INPP5F: variants seen among roughly 807,000 people sequenced by gnomAD.
The protein encoded by INPP5F is inositol polyphosphate-5-phosphatase F.
Under a neutral mutation model 137.2 loss-of-function variants are expected in INPP5F, and 97 were observed. The ratio of observed to expected loss-of-function variants is 0.71; its 90% confidence interval spans 0.60 to 0.84. The LOEUF (loss-of-function observed/expected upper bound fraction) is 0.84. INPP5F is among the 40% of genes least tolerant of loss of function. The pLI is 0.00. For missense variants in INPP5F, 1,271 were observed against 1,371.9 expected (o/e 0.93, Z 1.16); for synonymous variants, 504 against 476.9 (o/e 1.06, Z -0.74).
chr10:119,813,559 AG>A (rs1179344363), intron 15 of INPP5F, among the ~76,000 whole-genome samples: 3 of 152,174 alleles, frequency 2.0e-5, no homozygotes. Flanking sequence ...CAGGCATTTG[AG>A]GCTGCAGTGA....
At chr10:119,821,714 CCCTCCCTTCATCTCTG>C (rs144132796) in intron 16 of INPP5F, among the ~76,000 whole-genome samples, 16,495 of 151,670 alleles carry the variant, frequency 0.11, 940 homozygotes, top group South Asian at 0.17. Context: ...CTCTCTCTCT[CCCTCCCTTCATCTCTG>C]CCTCCCTCCG....
intron 1 of INPP5F, among the ~76,000 whole-genome samples, chr10:119,747,017 G>C (rs1398437792): frequency 1.3e-5 from 2 of 151,910 alleles, no homozygotes; most frequent in Non-Finnish European, 2.9e-5. Context: ...TCGAACTCCT[G>C]ACCTCAAGTG....
Position 119,797,592 on chromosome 10 carries a change from T to C in INPP5F, c.1000T>C (p.Trp334Arg). The C allele has an allele frequency of 6.2e-7, 1 of 1,613,418 alleles. No individual in the cohort carries two copies. Among genetic ancestry groups the C allele is most frequent in the Non-Finnish European group, 8.5e-7 (1 of 1,179,674 alleles). Reference protein sequence around the residue: ...VQTRGSVPVFWSQVGYRYNPR... With the variant: ...VQTRGSVPVFRSQVGYRYNPR... ...AACACGAGGCTCTGTGCCTGTCTTT[T>C]GGAGCCAGGTTGGGTATCGATATAA... Residue 334 changes from tryptophan to arginine, a missense_variant, in exon 8 of 20, where the codon TGG (tryptophan) becomes CGG (arginine). Transcript: ENST00000650623.
intron 6 of INPP5F, 94 bp downstream of exon 6, chr10:119,792,307 A>C: frequency 1.2e-6 from 1 of 856,320 alleles, no homozygotes; most frequent in Non-Finnish European, 1.8e-6. Context: ...AATGTTTTTT[A>C]ATTATATTAA....
At chr10:119,794,164 G>T (rs989734371) in intron 6 of INPP5F, among the ~76,000 whole-genome samples, 21 of 151,920 alleles carry the variant, frequency 1.4e-4, no homozygotes, top group Admixed American at 2.6e-4. Context: ...AGGACCCTGC[G>T]GCCTTCCGCA....
At chr10:119,809,341 T>A (rs1370770770) in intron 13 of INPP5F, among the ~76,000 whole-genome samples, 1 of 152,192 alleles carries the variant, frequency 6.6e-6, no homozygotes, top group African/African-American at 2.4e-5. Context: ...CTTTTTTCTG[T>A]AATAGAGACT....
intron 19 of INPP5F, chr10:119,825,807 T>C (rs1459624773): frequency 1.8e-5 from 7 of 394,168 alleles, no homozygotes; most frequent in Admixed American, 8.8e-5. Flanking sequence ...AAGAAAATTG[T>C]TCAGGCTTTT....
Position 119,726,202 on chromosome 10 carries a change from C to A in INPP5F, c.-61C>A, listed in dbSNP as rs1406099379. 6 of 1,119,530 alleles carry A rather than the reference C, an allele frequency of 5.4e-6. No individual in the cohort carries two copies. Among genetic ancestry groups the A allele is most frequent in the Non-Finnish European group, 7.0e-6 (6 of 852,424 alleles). 69.3% of individuals were successfully genotyped at this position (1,119,530 alleles called of 1,614,324 possible). A position where few individuals can be genotyped will look rare whatever the true frequency, so the allele number is the denominator to read the frequency against. ...AGGCGCGGGCTCTGGCGGCCTCGAC[C>A]GACTAGGACGCCCCGTGCGCCGCCC... On this transcript the variant is annotated 5_prime_UTR_variant, in exon 1 of 20. Transcript: ENST00000650623.
chr10:119,736,091 T>A (rs1848208464), intron 1 of INPP5F, among the ~76,000 whole-genome samples: 1 of 152,236 alleles, frequency 6.6e-6, no homozygotes, highest in Admixed American at 6.5e-5. Context: ...GATTTAGCTC[T>A]CAAAATCTTG....
chr10:119,823,014 T>TAAAAAA, intron 17 of INPP5F, 57 bp from the exon 18 acceptor site: 1 of 1,509,394 alleles, frequency 6.6e-7, no homozygotes. Context: ...TTTAAGATAA[T>TAAAAAA]AGAAGAAAAT....
At chr10:119,758,787 C>G (rs759093183) in intron 2 of INPP5F, among the ~76,000 whole-genome samples, 1 of 152,166 alleles carries the variant, frequency 6.6e-6, no homozygotes, top group Non-Finnish European at 1.5e-5. Flanking sequence ...AAATCTCATT[C>G]ATTAAAATAA....
chr10:119,771,882 ATT>A lies in INPP5F; in HGVS notation c.179-9723_179-9722del, dbSNP rs544724525. On this transcript the variant is annotated intron_variant, in intron 2 of 19. Coordinates refer to ENST00000650623, the MANE Select transcript of INPP5F (RefSeq NM_014937.4). ...TATATATATATATATATATATATAT[ATT>A]TTTTTTTTTTTTTTTTTTTTTTTTT... Among the ~76,000 whole-genome samples, 153 of 23,966 alleles carry A rather than the reference ATT, an allele frequency of 6.4e-3. 1 individual carries two copies. The highest frequency in any genetic ancestry group is 7.6e-3 in the Non-Finnish European group (115 of 15,074). 15.7% of individuals were successfully genotyped at this position (23,966 alleles called of 152,430 possible).
chr10:119,786,380 C>CCT (rs550088184), intron 3 of INPP5F, among the ~76,000 whole-genome samples: 108 of 152,276 alleles, frequency 7.1e-4, no homozygotes, highest in African/African-American at 2.4e-3. Context: ...TCTGTGTAAA[C>CCT]AAAATACCTT....
chr10:119,806,869 C>G (rs377260888), intron 12 of INPP5F, among the ~76,000 whole-genome samples: 3 of 150,788 alleles, frequency 2.0e-5, no homozygotes, highest in East Asian at 3.9e-4. Flanking sequence ...GGGGAGGGAG[C>G]TGCTGACGGG....
intron 1 of INPP5F, among the ~76,000 whole-genome samples, chr10:119,731,076 C>T (rs956074589): frequency 6.6e-5 from 10 of 152,098 alleles, no homozygotes; most frequent in African/African-American, 1.7e-4. Flanking sequence ...CATGAGCCAC[C>T]GCGCCTGGCC....
At chr10:119,774,602 G>A (rs1026277493) in intron 2 of INPP5F, among the ~76,000 whole-genome samples, 2 of 151,672 alleles carry the variant, frequency 1.3e-5, no homozygotes, top group African/African-American at 4.9e-5. Context: ...CCAAAGTGCT[G>A]GAAGTACCAC....
At chr10:119,796,525 A>C (rs1850391114) in intron 6 of INPP5F, among the ~76,000 whole-genome samples, 190 bp from the exon 7 acceptor site, 1 of 152,214 alleles carries the variant, frequency 6.6e-6, no homozygotes, top group South Asian at 2.1e-4. Flanking sequence ...TGTGTTCACC[A>C]TAAAGAAAAG....
chr10:119,785,209 T>C (rs1849840231), intron 3 of INPP5F, among the ~76,000 whole-genome samples: 2 of 151,840 alleles, frequency 1.3e-5, no homozygotes, highest in Admixed American at 1.3e-4. Flanking sequence ...TTTTAATCTC[T>C]CTTGGGTGTG....
chr10:119,785,447 G>A (rs1460448225), intron 3 of INPP5F, among the ~76,000 whole-genome samples: 1 of 150,280 alleles, frequency 6.7e-6, no homozygotes, highest in East Asian at 2.0e-4. Context: ...CACCACACCC[G>A]ACTCATTTTT....
Sources: gnomAD v4.1 joint callset for allele counts (sites outside exome capture counted in the v4.1 genomes callset) on GRCh38, gnomAD v4.1.1 for gene constraint, MANE v1.5 for transcripts, NCBI Gene and HGNC (gene_info 2026-07-23, HGNC 2026-07-21) for gene names.